The following ARHGEF28 variants were observed in gnomAD, a reference collection of about 807,000 sequenced individuals.
ARHGEF28 encodes the protein 190 kDa guanine nucleotide exchange factor.
In ARHGEF28, 152 loss-of-function variants were observed where a neutral mutation model predicts 206.6. The ratio of observed to expected loss-of-function variants is 0.74; its 90% confidence interval spans 0.64 to 0.84. The LOEUF (loss-of-function observed/expected upper bound fraction) is 0.84. Ranked by LOEUF, ARHGEF28 falls within the 40% of genes least tolerant of loss-of-function variation. ARHGEF28 has a pLI of 0.00. For missense variants in ARHGEF28, 2,028 were observed against 2,073.2 expected (o/e 0.98, Z 0.42); for synonymous variants, 763 against 776.4 (o/e 0.98, Z 0.29).
At chr5:73,844,644 T>G (rs1353278338) in intron 11 of ARHGEF28, among the ~76,000 whole-genome samples, 3 of 148,872 alleles carry the variant, frequency 2.0e-5, no homozygotes, top group Non-Finnish European at 4.5e-5. Flanking sequence ...GCCTATGTTT[T>G]TTTTTTTTTT....
chr5:73,861,105 A>G (rs1759368937), intron 16 of ARHGEF28, among the ~76,000 whole-genome samples: 1 of 152,176 alleles, frequency 6.6e-6, no homozygotes, highest in African/African-American at 2.4e-5. Flanking sequence ...TTGAGTTTTA[A>G]CTATTAAAAG....
In ARHGEF28 at chr5:73,636,019, G is replaced by A. The variant is rs547348473; in HGVS notation, c.-12+9697G>A. On this transcript the variant is annotated intron_variant, in intron 1 of 35. Transcript: ENST00000513042. ...CTCCCATTTGATCACCAGAAATATT[G>A]ATATCTTGCTCACTGACAATAAAAC... Among the ~76,000 whole-genome samples the A allele has an allele frequency of 9.9e-5, 15 of 152,210 alleles. No individual in the cohort carries two copies. In the South Asian group the frequency reaches 3.1e-3, roughly 32 times the overall value.
At chr5:73,823,940 T>C (rs890637884) in intron 9 of ARHGEF28, among the ~76,000 whole-genome samples, 2 of 152,338 alleles carry the variant, frequency 1.3e-5, no homozygotes, top group South Asian at 2.1e-4. Context: ...ATATTAATCA[T>C]ACAGTGCCTG....
At chr5:73,674,239 G>A (rs983981287) in intron 1 of ARHGEF28, among the ~76,000 whole-genome samples, 1 of 152,168 alleles carries the variant, frequency 6.6e-6, no homozygotes, top group African/African-American at 2.4e-5. Context: ...TCCCAAGCCT[G>A]TATTCCTAAC....
chr5:73,817,963 G>A (rs560390621), intron 9 of ARHGEF28, among the ~76,000 whole-genome samples: 1 of 152,252 alleles, frequency 6.6e-6, no homozygotes, highest in Admixed American at 6.5e-5. Flanking sequence ...AGGGTTGTTT[G>A]TGCATCTTGA....
intron 6 of ARHGEF28, among the ~76,000 whole-genome samples, chr5:73,777,326 T>C (rs900652160): frequency 2.0e-5 from 3 of 152,160 alleles, no homozygotes; most frequent in African/African-American, 7.2e-5. Context: ...AGGTGTTATT[T>C]TGAGTAAGGC....
In ARHGEF28 at chr5:73,885,831, G is replaced by T. The variant is rs777119849; in HGVS notation, c.3056-19G>T. ...TATTGTATAGTATTTTTGTTTGTTT[G>T]TTTCTTTTTCCCACGCAGAAAGAAC... On this transcript the variant is annotated intron_variant, in intron 24 of 35. Coordinates refer to ENST00000513042, the MANE Select transcript of ARHGEF28 (RefSeq NM_001177693.2). The T allele has an allele frequency of 6.3e-7, 1 of 1,589,546 alleles. No homozygotes were observed. Among genetic ancestry groups the T allele is most frequent in the Non-Finnish European group, 8.5e-7 (1 of 1,171,342 alleles).
At chr5:73,834,852 A>G (rs979098046) in intron 10 of ARHGEF28, among the ~76,000 whole-genome samples, 2 of 152,182 alleles carry the variant, frequency 1.3e-5, no homozygotes, top group African/African-American at 2.4e-5. Context: ...AGTACACTCT[A>G]TGATGGTTGC....
chr5:73,840,775 T>A lies in ARHGEF28; in HGVS notation c.1427+15T>A. 1 of 1,596,200 alleles carries A rather than the reference T, an allele frequency of 6.3e-7. No homozygotes were observed. Among genetic ancestry groups the A allele is most frequent in the South Asian group, 1.1e-5 (1 of 88,092 alleles). ...AAGAAAAGAAGGTAAGAGTCTATAT[T>A]GTAGAGGAAAACTGTAGAACATCAA... On this transcript the variant is annotated intron_variant, in intron 11 of 35. Coordinates refer to ENST00000513042, the MANE Select transcript of ARHGEF28 (RefSeq NM_001177693.2).
At chr5:73,791,197 TGCTGGGGATACAAGGGTTGA>T (rs1754460412) in intron 7 of ARHGEF28, among the ~76,000 whole-genome samples, 1 of 152,230 alleles carries the variant, frequency 6.6e-6, no homozygotes, top group Non-Finnish European at 1.5e-5. Context: ...CCCAGCTTGG[TGCTGGGGATACAAGGGTTGA>T]GCGGAAATCG....
chr5:73,785,018 G>C (rs772359331), intron 7 of ARHGEF28, among the ~76,000 whole-genome samples: 1 of 152,280 alleles, frequency 6.6e-6, no homozygotes, highest in Middle Eastern at 3.4e-3. Flanking sequence ...TTCCTGGTGG[G>C]AAGGAGTGAG....
chr5:73,766,167 C>A (rs866066040), intron 4 of ARHGEF28, among the ~76,000 whole-genome samples: 43 of 145,824 alleles, frequency 2.9e-4, no homozygotes, highest in Middle Eastern at 6.8e-3. Context: ...AAAAAAAAAA[C>A]AAAAAACAAA....
intron 14 of ARHGEF28, among the ~76,000 whole-genome samples, chr5:73,855,732 C>CAA (rs777664317): frequency 1.6e-5 from 2 of 121,750 alleles, no homozygotes. Flanking sequence ...AACTCCATCT[C>CAA]AAAAAAAAAA....
intron 1 of ARHGEF28, among the ~76,000 whole-genome samples, chr5:73,646,661 C>T (rs372003554): frequency 3.3e-5 from 5 of 152,306 alleles, no homozygotes; most frequent in African/African-American, 9.6e-5. Context: ...TCTCTTTCCC[C>T]TGGCTGACAT....
rs368661343 is a variant in ARHGEF28 at position 73,885,819 on chromosome 5, TTTTG to T, written c.3056-19_3056-16del. On this transcript the variant is annotated intron_variant, in intron 24 of 35. Transcript: ENST00000513042. ...AGTACTCTGGTTTATTGTATAGTAT[TTTTG>T]TTTGTTTGTTTCTTTTTCCCACGCA... The T allele has an allele frequency of 2.9e-4, 458 of 1,582,992 alleles. 1 individual carries two copies. In the African/African-American group the frequency reaches 5.5e-3, roughly 19 times the overall value.
At chr5:73,872,566 C>G (rs1388030469) in intron 21 of ARHGEF28, among the ~76,000 whole-genome samples, 7 of 152,146 alleles carry the variant, frequency 4.6e-5, no homozygotes, top group African/African-American at 1.7e-4. Context: ...GAAGAACTTT[C>G]TTTAGTTCCA....
chr5:73,854,841 CAAA>C (rs1328568904), intron 14 of ARHGEF28, among the ~76,000 whole-genome samples: 1 of 148,306 alleles, frequency 6.7e-6, no homozygotes, highest in Non-Finnish European at 1.5e-5. Flanking sequence ...CAAAAAAAAA[CAAA>C]AACCCAAAAA....
At chr5:73,664,199 G>T (rs537744501) in intron 1 of ARHGEF28, among the ~76,000 whole-genome samples, 1 of 152,266 alleles carries the variant, frequency 6.6e-6, no homozygotes, top group African/African-American at 2.4e-5. Context: ...GTGGCCAAGG[G>T]GCCAACAACC....
At chr5:73,885,114 T>G (rs567213223) in intron 24 of ARHGEF28, among the ~76,000 whole-genome samples, 1 of 152,278 alleles carries the variant, frequency 6.6e-6, no homozygotes, top group East Asian at 1.9e-4. Flanking sequence ...AATGTTAATT[T>G]TATGGAGGAA....
Sources: gnomAD v4.1 joint callset for allele counts (sites outside exome capture counted in the v4.1 genomes callset) on GRCh38, gnomAD v4.1.1 for gene constraint, MANE v1.5 for transcripts, NCBI Gene and HGNC (gene_info 2026-07-23, HGNC 2026-07-21) for gene names.